The following TBCD variants were observed in gnomAD, a reference collection of about 807,000 sequenced individuals.
TBCD encodes the protein tubulin-specific chaperone D.
TBCD carries 105 observed loss-of-function variants against 169.3 expected under a neutral mutation model. That is an observed-to-expected ratio of 0.62 (90% CI 0.53 to 0.73). The LOEUF is 0.73. TBCD is among the 30% of genes least tolerant of loss of function. The pLI is 0.00. For missense variants in TBCD, 1,444 were observed against 1,600.1 expected, an observed-to-expected ratio of 0.90 and a Z score of 1.66; for synonymous variants, 700 against 643.9, an observed-to-expected ratio of 1.09 and a Z score of -1.32.
chr17:82,849,866 C>T (rs1431964931), intron 13 of TBCD, among the ~76,000 whole-genome samples: 1 of 152,190 alleles, frequency 6.6e-6, no homozygotes, highest in African/African-American at 2.4e-5. Flanking sequence ...CCGTGCGCGG[C>T]AGCTCTTGAG....
intron 34 of TBCD, 156 bp downstream of exon 34, chr17:82,932,891 C>A: frequency 1.5e-6 from 1 of 668,332 alleles, no homozygotes; most frequent in Non-Finnish European, 2.6e-6. Context: ...GTCATCACAG[C>A]TGGCCCTCAA....
chr17:82,849,539 G>T (rs1464265390), intron 13 of TBCD, among the ~76,000 whole-genome samples: 1 of 152,082 alleles, frequency 6.6e-6, no homozygotes, highest in Non-Finnish European at 1.5e-5. Context: ...GTCTTTTTAG[G>T]TTATCTCAAG....
Position 82,766,254 on chromosome 17 carries a change from CTT to C in TBCD, c.334-11_334-10del, listed in dbSNP as rs773870471. The C allele has an allele frequency of 6.3e-7, 1 of 1,596,660 alleles. No individual in the cohort carries two copies. Among genetic ancestry groups the C allele is most frequent in the Non-Finnish European group, 8.5e-7 (1 of 1,170,152 alleles). Reference sequence around the variant, plus strand: ...TTTTAAATGTTATAATTCAGCATCTCTTTATTTGATAGGTTCGAGGCTATAAA... The same window carrying C: ...TTTTAAATGTTATAATTCAGCATCTCTATTTGATAGGTTCGAGGCTATAAA... On this transcript the variant is annotated splice_polypyrimidine_tract_variant and intron_variant, in intron 3 of 38. Transcript: ENST00000355528.
chr17:82,860,180 A>G (rs796097277), intron 13 of TBCD, among the ~76,000 whole-genome samples: 5 of 152,246 alleles, frequency 3.3e-5, no homozygotes, highest in African/African-American at 1.2e-4. Flanking sequence ...GCTTCTTTCA[A>G]GTTGTTGTGC....
chr17:82,841,298 C>T (rs11656410), intron 13 of TBCD, among the ~76,000 whole-genome samples: 54,510 of 151,218 alleles, frequency 0.36, 10,145 homozygotes, highest in Middle Eastern at 0.43. Context: ...CATGGCTTTG[C>T]GTTTACTTTT....
chr17:82,942,908 CAG>C lies in TBCD; in HGVS notation c.*448_*449del, dbSNP rs2063434009. The stretch of plus-strand genomic sequence containing the variant: ...TCTTGGAGAGAGATGAATGTTAAAT[CAG>C]AGGTTCAAATGCTAGAGAACTGAGA... On this transcript the variant is annotated 3_prime_UTR_variant, in exon 39 of 39. Coordinates refer to ENST00000355528, the MANE Select transcript of TBCD (RefSeq NM_005993.5). 1 of 209,472 alleles carries C rather than the reference CAG, an allele frequency of 4.8e-6. No homozygotes were observed. Among genetic ancestry groups the C allele is most frequent in the Non-Finnish European group, 9.5e-6 (1 of 104,990 alleles). The allele number at this position is 209,472 out of a possible 1,614,324, so 13.0% of individuals were successfully genotyped here.
At chr17:82,902,904 G>C (rs1347833357) in intron 18 of TBCD, among the ~76,000 whole-genome samples, 1 of 152,110 alleles carries the variant, frequency 6.6e-6, no homozygotes, top group East Asian at 1.9e-4. Context: ...GCTCAGGAGG[G>C]GCTCCAGCCT....
intron 33 of TBCD, 141 bp from the exon 34 acceptor site, chr17:82,932,517 T>C: frequency 1.4e-6 from 1 of 725,268 alleles, no homozygotes; most frequent in Non-Finnish European, 2.4e-6. Flanking sequence ...GTTTTGTCTT[T>C]TCCTGAAGCT....
intron 13 of TBCD, among the ~76,000 whole-genome samples, chr17:82,840,954 G>GTTTTTTTT (rs1295995328): frequency 4.5e-5 from 2 of 44,278 alleles, no homozygotes; most frequent in African/African-American, 1.6e-4. Context: ...AGACAAACTG[G>GTTTTTTTT]TTTTTTTTTT....
intron 13 of TBCD, among the ~76,000 whole-genome samples, chr17:82,866,520 C>T (rs2057185075): frequency 6.6e-6 from 1 of 152,286 alleles, no homozygotes; most frequent in African/African-American, 2.4e-5. Context: ...GCCGCTTCAC[C>T]TGTGCTGGCG....
At position 82,920,388 on chromosome 17, in the gene TBCD, G is replaced by A. The variant is rs1395725328; in HGVS notation, c.2039-168G>A. The A allele has an allele frequency of 1.5e-5, 10 of 654,438 alleles. No individual in the cohort carries two copies. The highest frequency in any genetic ancestry group is 1.9e-5 in the Non-Finnish European group (7 of 375,310). 40.5% of individuals were successfully genotyped at this position (654,438 alleles called of 1,614,324 possible). Reference sequence around the variant, plus strand: ...GAGGCGTCTTGGGCTTCTCATGGTGGTTCTGAAATGGTTCTGGGATGTTTC... The same window carrying A: ...GAGGCGTCTTGGGCTTCTCATGGTGATTCTGAAATGGTTCTGGGATGTTTC... On this transcript the variant is annotated intron_variant, in intron 23 of 38. Coordinates refer to ENST00000355528, the MANE Select transcript of TBCD (RefSeq NM_005993.5). This position sits in a 1 kb window ranked among gnomAD's most constrained non-coding sequence, Gnocchi z 4.1.
At chr17:82,867,489 G>A (rs981358943) in intron 13 of TBCD, among the ~76,000 whole-genome samples, 8 of 152,320 alleles carry the variant, frequency 5.3e-5, no homozygotes, top group African/African-American at 1.9e-4. Flanking sequence ...CTTTCCTCTT[G>A]AAGGTGCCAC....
At position 82,903,415 on chromosome 17, in the gene TBCD, G is replaced by T; in HGVS notation, c.1741G>T (p.Glu581Ter). The change falls in exon 19 of 39, where the codon GAG becomes TAG. Residue 581 changes from glutamate to a stop codon, truncating the protein, a stop_gained. Transcript: ENST00000355528. LOFTEE classifies it high-confidence loss of function. This position sits in a 1 kb window ranked among gnomAD's most constrained non-coding sequence, Gnocchi z 4.8. ...KISHWDGVIR[E>*]LAARALHNLA... is the part of the protein sequence containing the mutation. ...TCTCCTCACTCTCAGGGTCATCCGA[G>T]AGTTGGCTGCGAGGGCGCTGCACAA... 6.2e-7 allele frequency: 1 copy of T among 1,602,936 alleles called. No individual in the cohort carries two copies. Among genetic ancestry groups the T allele is most frequent in the East Asian group, 2.3e-5 (1 of 44,424 alleles).
intron 37 of TBCD, among the ~76,000 whole-genome samples, chr17:82,939,730 G>A (rs1473831656): frequency 1.3e-5 from 2 of 152,212 alleles, no homozygotes; most frequent in Admixed American, 6.5e-5. Context: ...CCAGGGGAGC[G>A]GGCACCTGTA....
intron 6 of TBCD, among the ~76,000 whole-genome samples, chr17:82,773,585 C>A (rs1235380307): frequency 1.3e-5 from 2 of 152,066 alleles, no homozygotes; most frequent in African/African-American, 4.8e-5. Context: ...CCATGGTCTC[C>A]CCGCGGGGCG....
chr17:82,830,022 T>G, intron 13 of TBCD: 1 of 1,484,252 alleles, frequency 6.7e-7, no homozygotes, highest in Non-Finnish European at 9.2e-7. Flanking sequence ...TTTGTTTTTT[T>G]GAGAAGCAGC....
At chr17:82,770,009 G>A (rs1442375692) in intron 5 of TBCD, among the ~76,000 whole-genome samples, 1 of 152,002 alleles carries the variant, frequency 6.6e-6, no homozygotes, top group Non-Finnish European at 1.5e-5. Context: ...GTTTAACCGA[G>A]AAGGCAACAG....
intron 13 of TBCD, among the ~76,000 whole-genome samples, chr17:82,845,784 C>T (rs1445154782): frequency 3.9e-5 from 6 of 152,204 alleles, no homozygotes; most frequent in Non-Finnish European, 8.8e-5. Context: ...TCTTCCTGTC[C>T]GTGAAAGGGA....
chr17:82,798,441 C>T (rs540224661), intron 8 of TBCD, among the ~76,000 whole-genome samples: 4 of 151,868 alleles, frequency 2.6e-5, no homozygotes, highest in African/African-American at 4.8e-5. Flanking sequence ...CCACCGTGCC[C>T]GGCCTAATTT....
Sources: allele counts gnomAD v4.1 joint callset (sites outside exome capture counted in the v4.1 genomes callset), GRCh38; gene constraint gnomAD v4.1.1; non-coding constraint Gnocchi (gnomAD v3.1); transcripts MANE v1.5; gene names NCBI Gene and HGNC (gene_info 2026-07-23, HGNC 2026-07-21).